The following ARID5A variants were observed in gnomAD, a reference collection of about 807,000 sequenced individuals.
ARID5A encodes AT-rich interactive domain-containing protein 5A.
ARID5A carries 14 observed loss-of-function variants against 30.5 expected under a neutral mutation model. That is an observed-to-expected ratio of 0.46 (90% CI 0.30 to 0.72). The LOEUF is 0.72. ARID5A is among the 30% of genes least tolerant of loss of function. The pLI is 0.07. For synonymous variants in ARID5A, 338 were observed against 340.4 expected (o/e 0.99, Z 0.08); for missense variants, 669 against 786.2 (o/e 0.85, Z 1.78).
chr2:96,539,859 A>C lies in ARID5A; in HGVS notation c.4+3029A>C, dbSNP rs1049545474. Among the ~76,000 whole-genome samples, 1 of 152,162 alleles carries C rather than the reference A, an allele frequency of 6.6e-6. No individual in the cohort carries two copies. Among genetic ancestry groups the C allele is most frequent in the Non-Finnish European group, 1.5e-5 (1 of 68,034 alleles). Reference sequence around the variant, plus strand: ...CGATGTGCTGGGAAACTGCACATCTACTTGGGGAAAGGGGACAAGTTTGCA... The same window carrying C: ...CGATGTGCTGGGAAACTGCACATCTCCTTGGGGAAAGGGGACAAGTTTGCA... On this transcript the variant is annotated intron_variant, in intron 1 of 6. Coordinates refer to ENST00000357485, the MANE Select transcript of ARID5A (RefSeq NM_212481.3). The surrounding 1 kb of genome is among the most constrained non-coding windows in gnomAD (Gnocchi z 4.7).
intron 1 of ARID5A, among the ~76,000 whole-genome samples, chr2:96,540,065 ATTATATCTG>A (rs1181009682): frequency 6.6e-6 from 1 of 152,218 alleles, no homozygotes; most frequent in African/African-American, 2.4e-5. Flanking sequence ...AGCCTCAGAC[ATTATATCTG>A]TTATATCTGG....
At position 96,537,964 on chromosome 2, in the gene ARID5A, C is replaced by A. The variant is rs916364171; in HGVS notation, c.4+1134C>A. On this transcript the variant is annotated intron_variant, in intron 1 of 6. Coordinates refer to ENST00000357485, the MANE Select transcript of ARID5A (RefSeq NM_212481.3). This position sits in a 1 kb window ranked among gnomAD's most constrained non-coding sequence, Gnocchi z 4.8. ...CCCACCCGGGCTCCTCTGGTGGGAG[C>A]CCACACGCACGGTGGCGTCACTGCG... The A allele has an allele frequency of 4.1e-6, 4 of 985,430 alleles. No individual in the cohort carries two copies. In the African/African-American group the frequency reaches 5.2e-5, roughly 13 times the overall value. The allele number at this position is 985,430 out of a possible 1,614,324, so 61.0% of individuals were successfully genotyped here.
chr2:96,537,811 G>A lies in ARID5A; in HGVS notation c.4+981G>A. On this transcript the variant is annotated intron_variant, in intron 1 of 6. Transcript: ENST00000357485. This position sits in a 1 kb window ranked among gnomAD's most constrained non-coding sequence, Gnocchi z 4.8. ...AGCGCCGGCGTGGTGGGGCTTGCGC[G>A]GTGCAGGACCCCCGAGGGCCCAGGG... 2.1e-6 allele frequency: 2 copies of A among 961,752 alleles called. No homozygotes were observed. Among genetic ancestry groups the A allele is most frequent in the South Asian group, 4.8e-5 (1 of 20,860 alleles). The allele number at this position is 961,752 out of a possible 1,614,324, so 59.6% of individuals were successfully genotyped here.
chr2:96,550,046 G>A lies in ARID5A; in HGVS notation c.313-142G>A, dbSNP rs2065999469. On this transcript the variant is annotated intron_variant, in intron 4 of 6. Transcript: ENST00000357485. This position sits in a 1 kb window ranked among gnomAD's most constrained non-coding sequence, Gnocchi z 6.6. ...GCCAGCAGTCCATGGCCCTAGGAGA[G>A]AGAATCGGCTGGCCGCTGCTGGAGC... 1 of 1,533,204 alleles carries A rather than the reference G, an allele frequency of 6.5e-7. No homozygotes were observed. Among genetic ancestry groups the A allele is most frequent in the East Asian group, 2.4e-5 (1 of 40,884 alleles). The allele number at this position is 1,533,204 out of a possible 1,614,324, so 95.0% of individuals were successfully genotyped here.
Position 96,552,131 on chromosome 2 carries a change from C to G in ARID5A, c.1603C>G (p.Pro535Ala), listed in dbSNP as rs1351279531. Residue 535 changes from proline to alanine, a missense_variant, in exon 7 of 7, where the codon CCG becomes GCG. Transcript: ENST00000357485. ...CAGCCCCCTGGTCATCCCGGCCTTC[C>G]CGGCCCACTTCCTGGCCACCGCAGG... is the stretch of plus-strand genomic sequence containing the variant. The part of the protein sequence containing the change: ...PFSPLVIPAF[P>A]AHFLATAGPS... 1 of 1,612,274 alleles carries G rather than the reference C, an allele frequency of 6.2e-7. No homozygotes were observed.
intron 2 of ARID5A, 33 bp downstream of exon 2, chr2:96,547,550 A>G (rs1197093665): frequency 3.1e-6 from 5 of 1,597,156 alleles, no homozygotes; most frequent in Admixed American, 3.4e-5. Context: ...CTCCCTGGGC[A>G]CTCTTCCCTG....
Position 96,539,327 on chromosome 2 carries a change from T to A in ARID5A, c.4+2497T>A. ...ACTTTCATCTGCTTCCAGCTTGATG[T>A]CTGGCAGGGCAGGGGCCCACTGACT... On this transcript the variant is annotated intron_variant, in intron 1 of 6. Coordinates refer to ENST00000357485, the MANE Select transcript of ARID5A (RefSeq NM_212481.3). The surrounding 1 kb of genome is among the most constrained non-coding windows in gnomAD (Gnocchi z 4.7). Among the ~76,000 whole-genome samples, 1 of 152,214 alleles carries A rather than the reference T, an allele frequency of 6.6e-6. No individual in the cohort carries two copies. Among genetic ancestry groups the A allele is most frequent in the East Asian group, 1.9e-4 (1 of 5,202 alleles).
intron 1 of ARID5A, among the ~76,000 whole-genome samples, chr2:96,542,136 C>T (rs2065856965): frequency 6.6e-6 from 1 of 152,194 alleles, no homozygotes. Context: ...TAACCCTGAT[C>T]TGTGAATGAT....
chr2:96,547,422 A>G lies in ARID5A; in HGVS notation c.25A>G (p.Arg9Gly). 1 of 1,613,896 alleles carries G rather than the reference A, an allele frequency of 6.2e-7. No individual in the cohort carries two copies. Among genetic ancestry groups the G allele is most frequent in the Non-Finnish European group, 8.5e-7 (1 of 1,179,952 alleles). MAAPVKGN[R>G]KQSTEGDALD... ...TGCAGCAGCCCCTGTCAAAGGGAAC[A>G]GGAAGCAGTCCACGGAGGGTGACGC... Residue 9 changes from arginine to glycine, a missense_variant, in exon 2 of 7, where the codon AGG becomes GGG. Around this residue, in one of 4 missense-constraint regions of ARID5A, gnomAD observed 56 missense variants for 72.8 expected, o/e 0.77. Coordinates refer to ENST00000357485, the MANE Select transcript of ARID5A (RefSeq NM_212481.3).
chr2:96,550,193 C>G lies in ARID5A; in HGVS notation c.318C>G (p.Thr106=), dbSNP rs557735279. ...CTCACGAGGTGCCCTTGCAGGTGAC[C>G]GGGCGCCGCCTCTGGAAGAACGTGT... ...VEKLGAYELV[T]GRRLWKNVYD... The change falls in exon 5 of 7, where the codon ACC becomes ACG. Residue 106 remains threonine (T), a synonymous_variant. Transcript: ENST00000357485. This position sits in a 1 kb window ranked among gnomAD's most constrained non-coding sequence, Gnocchi z 6.6. 1 of 1,534,302 alleles carries G rather than the reference C, an allele frequency of 6.5e-7. No individual in the cohort carries two copies. Among genetic ancestry groups the G allele is most frequent in the African/African-American group, 1.4e-5 (1 of 72,580 alleles).
Position 96,550,081 on chromosome 2 carries a change from G to A in ARID5A, c.313-107G>A. On this transcript the variant is annotated intron_variant, in intron 4 of 6. Transcript: ENST00000357485. The surrounding 1 kb of genome is among the most constrained non-coding windows in gnomAD (Gnocchi z 6.6). ...TGGCCGCTGCTGGAGCCGCAGAGCA[G>A]CTGCCAAACTGCAGTCCTTCGAGTC... is the stretch of plus-strand genomic sequence containing the variant. 6.5e-7 allele frequency: 1 copy of A among 1,532,248 alleles called. No individual in the cohort carries two copies. Among genetic ancestry groups the A allele is most frequent in the Middle Eastern group, 2.2e-4 (1 of 4,636 alleles). The allele number at this position is 1,532,248 out of a possible 1,614,324, so 94.9% of individuals were successfully genotyped here.
intron 2 of ARID5A, 49 bp downstream of exon 2, chr2:96,547,566 C>A: frequency 6.5e-7 from 1 of 1,547,632 alleles, no homozygotes; most frequent in Non-Finnish European, 8.9e-7. Flanking sequence ...CCCTGCCACC[C>A]TCACCTGTGC....
At chr2:96,547,006 G>A (rs541832705) in intron 1 of ARID5A, among the ~76,000 whole-genome samples, 7 of 152,250 alleles carry the variant, frequency 4.6e-5, no homozygotes, top group African/African-American at 1.7e-4. Context: ...CTTCAAAGAT[G>A]TGGGGAGATA....
At position 96,551,670 on chromosome 2, in the gene ARID5A, C is replaced by T; in HGVS notation, c.1142C>T (p.Ser381Leu). Residue 381 changes from serine (S) to leucine (L), a missense_variant, in exon 7 of 7, where the codon TCA becomes TTA. Coordinates refer to ENST00000357485, the MANE Select transcript of ARID5A (RefSeq NM_212481.3). ...GGGCCTCCTGGCAAAGAGGGGCTGT[C>T]AGTGAAAGAGCCCCAGCTGGTGTGG... is the stretch of plus-strand genomic sequence containing the variant. Reference protein sequence around the residue: ...LLGPPGKEGLSVKEPQLVWGG... With the variant: ...LLGPPGKEGLLVKEPQLVWGG... The T allele has an allele frequency of 1.3e-6, 2 of 1,523,426 alleles. No homozygotes were observed. Among genetic ancestry groups the T allele is most frequent in the Non-Finnish European group, 1.8e-6 (2 of 1,138,724 alleles). 94.4% of individuals were successfully genotyped at this position (1,523,426 alleles called of 1,614,324 possible).
At chr2:96,540,880 G>C (rs533070562) in intron 1 of ARID5A, among the ~76,000 whole-genome samples, 40 of 151,996 alleles carry the variant, frequency 2.6e-4, no homozygotes, top group African/African-American at 8.0e-4. Context: ...CGAGTAGCTG[G>C]GATTATTGGC....
chr2:96,543,593 AAGAC>A (rs1327184048), intron 1 of ARID5A, among the ~76,000 whole-genome samples: 1 of 152,022 alleles, frequency 6.6e-6, no homozygotes, highest in Non-Finnish European at 1.5e-5. Context: ...CCCACCCACA[AAGAC>A]AGTGAACTAA....
chr2:96,541,056 T>G (rs1387885025), intron 1 of ARID5A, among the ~76,000 whole-genome samples: 2 of 150,538 alleles, frequency 1.3e-5, no homozygotes, highest in African/African-American at 4.9e-5. Flanking sequence ...TTTTTTTTTT[T>G]GAGAAGGAAT....
rs2065747923 is a variant in ARID5A, at chr2:96,537,105, C to T, written c.4+275C>T. Among the ~76,000 whole-genome samples, 1 of 152,148 alleles carries T rather than the reference C, an allele frequency of 6.6e-6. No individual in the cohort carries two copies. Among genetic ancestry groups the T allele is most frequent in the African/African-American group, 2.4e-5 (1 of 41,436 alleles). ...AAAGTTTTGGCGGCCAGGGGCTTCC[C>T]GGGCGTTTATCTCGAAACTCTTTTC... On this transcript the variant is annotated intron_variant, in intron 1 of 6. Coordinates refer to ENST00000357485, the MANE Select transcript of ARID5A (RefSeq NM_212481.3). The surrounding 1 kb of genome is among the most constrained non-coding windows in gnomAD (Gnocchi z 4.8).
rs999509532 is a variant in ARID5A at position 96,537,795 on chromosome 2, G to C, written c.4+965G>C. On this transcript the variant is annotated intron_variant, in intron 1 of 6. Coordinates refer to ENST00000357485, the MANE Select transcript of ARID5A (RefSeq NM_212481.3). This position sits in a 1 kb window ranked among gnomAD's most constrained non-coding sequence, Gnocchi z 4.8. ...GCGTCACCCTCCGCCCAGCGCCGGC[G>C]TGGTGGGGCTTGCGCGGTGCAGGAC... is the stretch of plus-strand genomic sequence containing the variant. The C allele has an allele frequency of 3.2e-6, 3 of 923,824 alleles. No individual in the cohort carries two copies. Among genetic ancestry groups the C allele is most frequent in the Non-Finnish European group, 3.9e-6 (3 of 773,838 alleles). 57.2% of individuals were successfully genotyped at this position (923,824 alleles called of 1,614,324 possible).
Sources: allele counts gnomAD v4.1 joint callset (sites outside exome capture counted in the v4.1 genomes callset), GRCh38; gene constraint gnomAD v4.1.1; regional missense constraint gnomAD v4.1.1; non-coding constraint Gnocchi (gnomAD v3.1); transcripts MANE v1.5; gene names NCBI Gene and HGNC (gene_info 2026-07-23, HGNC 2026-07-21).